The following ZFHX4 variants were observed in gnomAD, a reference collection of about 807,000 sequenced individuals.
ZFHX4 encodes the protein zinc finger homeobox protein 4.
In ZFHX4, 56 loss-of-function variants were observed where a neutral mutation model predicts 267.6. The observed-to-expected ratio is 0.21, with a 90% CI of 0.17 to 0.26. ZFHX4 has a LOEUF of 0.26. ZFHX4 is among the 10% of genes least tolerant of loss of function. The pLI, the probability that ZFHX4 is intolerant of heterozygous loss-of-function variation, is 1.00. For synonymous variants in ZFHX4, 1,778 were observed against 1,665.6 expected (o/e 1.07, Z -1.64); for missense variants, 4,332 against 4,420.0 (o/e 0.98, Z 0.56).
intron 6 of ZFHX4, among the ~76,000 whole-genome samples, chr8:76,847,914 A>T (rs1420663992): frequency 6.6e-6 from 1 of 152,106 alleles, no homozygotes; most frequent in Non-Finnish European, 1.5e-5. Flanking sequence ...CCTGGACTAT[A>T]TATTTACGTG....
In ZFHX4 at chr8:76,705,496, G is replaced by A. The variant is rs780418788; in HGVS notation, c.1408G>A (p.Gly470Arg). The change falls in exon 2 of 11, where the codon GGA (glycine) becomes AGA (arginine). Residue 470 changes from glycine (G) to arginine (R), a missense_variant. By Grantham distance (125) the Gly-to-Arg change is moderately radical. Coordinates refer to ENST00000651372, the MANE Select transcript of ZFHX4 (RefSeq NM_024721.5). The part of the protein sequence containing the change: ...CPVKSEPTEP[G>R]DEDEEDAYSN... The stretch of plus-strand genomic sequence containing the variant: ...TGTCAAAAGTGAACCCACTGAACCG[G>A]GAGATGAGGATGAAGAAGATGCGTA... 1.2e-6 allele frequency: 2 copies of A among 1,613,758 alleles called. No individual in the cohort carries two copies. The highest frequency in any genetic ancestry group is 1.7e-6 in the Non-Finnish European group (2 of 1,179,786).
At chr8:76,850,854 G>A (rs748725651) in intron 9 of ZFHX4, 32 bp from the exon 10 acceptor site, 5 of 1,505,794 alleles carry the variant, frequency 3.3e-6, no homozygotes, top group South Asian at 2.7e-5. Context: ...TTTTCTTATT[G>A]TAAGAGAGAT....
At chr8:76,708,254 CACTT>C (rs1367002519) in intron 3 of ZFHX4, 8 of 632,330 alleles carry the variant, frequency 1.3e-5, no homozygotes, top group African/African-American at 3.7e-5. Context: ...CCCTATGTCT[CACTT>C]ACACCTGTCT....
Position 76,705,111 on chromosome 8 carries a change from C to T in ZFHX4, c.1023C>T (p.Ser341=), listed in dbSNP as rs776733747. 1 of 1,613,566 alleles carries T rather than the reference C, an allele frequency of 6.2e-7. No individual in the cohort carries two copies. Among genetic ancestry groups the T allele is most frequent in the South Asian group, 1.1e-5 (1 of 91,034 alleles). ...TAAGCTTTCTGGAACCAAAAAAATC[C>T]ACTTCTGTTTATCCCCATTTTTCTA... is the stretch of plus-strand genomic sequence containing the variant. ...PLISFLEPKK[S]TSVYPHFSTT... The change falls in exon 2 of 11, where the codon TCC becomes TCT. Residue 341 remains serine, a synonymous_variant. Coordinates refer to ENST00000651372, the MANE Select transcript of ZFHX4 (RefSeq NM_024721.5).
chr8:76,728,458 G>A (rs1808913130), intron 3 of ZFHX4, among the ~76,000 whole-genome samples: 1 of 152,162 alleles, frequency 6.6e-6, no homozygotes, highest in South Asian at 2.1e-4. Flanking sequence ...TCCCCTCTGG[G>A]GGATATGAAA....
chr8:76,696,651 A>AC (rs1383798599), intron 1 of ZFHX4, among the ~76,000 whole-genome samples: 1 of 147,276 alleles, frequency 6.8e-6, no homozygotes, highest in Non-Finnish European at 1.5e-5. Flanking sequence ...AAAAAAAAAA[A>AC]CTCAAATAAA....
At position 76,854,237 on chromosome 8, in the gene ZFHX4, C is replaced by G. The variant is rs1354750315; in HGVS notation, c.7316C>G (p.Pro2439Arg). 1.9e-6 allele frequency: 3 copies of G among 1,568,122 alleles called. No individual in the cohort carries two copies. The highest frequency in any genetic ancestry group is 2.3e-5 in the South Asian group (2 of 86,484). The change falls in exon 10 of 11, where the codon CCA becomes CGA. Residue 2439 changes from proline (P) to arginine (R), a missense_variant. Coordinates refer to ENST00000651372, the MANE Select transcript of ZFHX4 (RefSeq NM_024721.5). ...LPLASTSSDP[P>R]QASTAQPQPQ... Reference sequence around the variant, plus strand: ...TTAGCATCGACTTCCTCGGACCCACCACAGGCATCCACAGCCCAGCCACAG... The same window carrying G: ...TTAGCATCGACTTCCTCGGACCCACGACAGGCATCCACAGCCCAGCCACAG...
At chr8:76,830,212 A>G (rs1358466965) in intron 4 of ZFHX4, among the ~76,000 whole-genome samples, 1 of 152,198 alleles carries the variant, frequency 6.6e-6, no homozygotes, top group East Asian at 1.9e-4. Context: ...ACAGAAAATG[A>G]TGTTGATCAC....
rs576998729 is a variant in ZFHX4, at chr8:76,755,055, A to C, written c.3094-23153A>C. On this transcript the variant is annotated intron_variant, in intron 3 of 10. Coordinates refer to ENST00000651372, the MANE Select transcript of ZFHX4 (RefSeq NM_024721.5). ...CCACCCTGTGGGTTGCCATTCTATTAAATCTTTTCTAATAAGAAATGAATG... is the reference window on the plus strand; with the variant it reads ...CCACCCTGTGGGTTGCCATTCTATTCAATCTTTTCTAATAAGAAATGAATG... Among the ~76,000 whole-genome samples, 82 of 152,352 alleles carry C rather than the reference A, an allele frequency of 5.4e-4. No individual in the cohort carries two copies. The South Asian group carries it at 6.4e-3, about 12-fold the overall frequency.
intron 3 of ZFHX4, among the ~76,000 whole-genome samples, chr8:76,720,481 A>G (rs1056550257): frequency 1.3e-5 from 2 of 152,170 alleles, no homozygotes; most frequent in African/African-American, 4.8e-5. Context: ...ACATTTATAT[A>G]CAAGGTTTTG....
intron 3 of ZFHX4, among the ~76,000 whole-genome samples, chr8:76,726,015 A>G (rs1439744205): frequency 1.3e-5 from 2 of 152,204 alleles, no homozygotes; most frequent in Non-Finnish European, 2.9e-5. Flanking sequence ...TTGTTGTAAC[A>G]TAATGCTACA....
At chr8:76,850,733 C>G (rs918485852) in intron 9 of ZFHX4, among the ~76,000 whole-genome samples, 153 bp from the exon 10 acceptor site, 1 of 152,132 alleles carries the variant, frequency 6.6e-6, no homozygotes, top group Non-Finnish European at 1.5e-5. Context: ...AGTACCCAGT[C>G]CAGTGCTTGC....
Position 76,856,126 on chromosome 8 carries a change from A to C in ZFHX4, c.9205A>C (p.Lys3069Gln), listed in dbSNP as rs1436663882. The change falls in exon 10 of 11, where the codon AAA (lysine) becomes CAA (glutamine). Residue 3069 changes from lysine (K) to glutamine (Q), a missense_variant. Physicochemically the swap from Lys to Gln is moderately conservative, Grantham distance 53. Around this residue, in one of 7 missense-constraint regions of ZFHX4, gnomAD observed 1,648 missense variants for 1,625.0 expected, o/e 1.01. Coordinates refer to ENST00000651372, the MANE Select transcript of ZFHX4 (RefSeq NM_024721.5). ...ACAGCAAGAACTTGATCGTATAAAG[A>C]AAGCTTCAGACGTGCTGGGCTTGAC... is the stretch of plus-strand genomic sequence containing the variant. ...MAQQELDRIK[K>Q]ASDVLGLTVQ... The C allele has an allele frequency of 1.2e-6, 2 of 1,613,994 alleles. No homozygotes were observed. Among genetic ancestry groups the C allele is most frequent in the Admixed American group, 3.3e-5 (2 of 60,026 alleles).
intron 3 of ZFHX4, among the ~76,000 whole-genome samples, chr8:76,713,244 G>A (rs1273277903): frequency 1.3e-5 from 2 of 151,782 alleles, no homozygotes; most frequent in East Asian, 3.9e-4. Context: ...GAAAAGTGAC[G>A]AAAAATCTGT....
At chr8:76,763,574 G>A (rs1563508326) in intron 3 of ZFHX4, among the ~76,000 whole-genome samples, 1 of 152,110 alleles carries the variant, frequency 6.6e-6, no homozygotes, top group Non-Finnish European at 1.5e-5. Context: ...AGTGAGCCGT[G>A]ATGGCCCCAC....
chr8:76,704,422 A>G lies in ZFHX4; in HGVS notation c.334A>G (p.Asn112Asp). The G allele has an allele frequency of 6.2e-7, 1 of 1,614,000 alleles. No individual in the cohort carries two copies. Among genetic ancestry groups the G allele is most frequent in the Non-Finnish European group, 8.5e-7 (1 of 1,179,880 alleles). ...CCGCCTTCCTGTCCTGAAGGATGAC[A>G]ACGAGAGCGAGATCAGCGAGTTAGA... ...NARLPVLKDD[N>D]ESEISELEDS... Residue 112 changes from asparagine (N) to aspartate (D), a missense_variant, in exon 2 of 11, where the codon AAC (asparagine) becomes GAC (aspartate). Physicochemically the swap from Asn to Asp is conservative, Grantham distance 23 (BLOSUM62 1). Around this residue, in one of 7 missense-constraint regions of ZFHX4, gnomAD observed 1,195 missense variants for 1,173.6 expected, o/e 1.02. Coordinates refer to ENST00000651372, the MANE Select transcript of ZFHX4 (RefSeq NM_024721.5).
chr8:76,755,413 A>G (rs1809736160), intron 3 of ZFHX4, among the ~76,000 whole-genome samples: 1 of 152,178 alleles, frequency 6.6e-6, no homozygotes, highest in African/African-American at 2.4e-5. Flanking sequence ...TGAGAAATGC[A>G]TATTACTTTC....
chr8:76,811,763 A>C (rs991105867), intron 4 of ZFHX4, among the ~76,000 whole-genome samples: 1 of 152,170 alleles, frequency 6.6e-6, no homozygotes, highest in Non-Finnish European at 1.5e-5. Context: ...TATGTATACA[A>C]AGTTATAGAT....
chr8:76,748,979 A>G (rs1809543450), intron 3 of ZFHX4, among the ~76,000 whole-genome samples: 1 of 152,240 alleles, frequency 6.6e-6, no homozygotes, highest in Non-Finnish European at 1.5e-5. Flanking sequence ...GTACATCTGT[A>G]TCATAATTTA....
Sources: allele counts gnomAD v4.1 joint callset (sites outside exome capture counted in the v4.1 genomes callset), GRCh38; gene constraint gnomAD v4.1.1; regional missense constraint gnomAD v4.1.1; transcripts MANE v1.5; gene names NCBI Gene and HGNC (gene_info 2026-07-23, HGNC 2026-07-21).